Variants in BCL9 observed in about 807,000 individuals in gnomAD.
BCL9 encodes the protein BCL9 transcription coactivator.
BCL9 carries 25 observed loss-of-function variants against 88.5 expected under a neutral mutation model. The ratio of observed to expected loss-of-function variants is 0.28; its 90% CI spans 0.21 to 0.39. BCL9 has a LOEUF of 0.39. Among genes scored for constraint, BCL9 ranks in the 10% least tolerant of loss-of-function variants. The probability of loss-of-function intolerance (pLI) is 1.00; values close to 1 mark genes in which losing one functional copy is unlikely to be tolerated. For synonymous variants in BCL9, 711 were observed against 673.3 expected (o/e 1.06, Z -0.87); for missense variants, 1,817 against 1,877.8 (o/e 0.97, Z 0.60).
chr1:147,570,952 T>A (rs892754115), intron 1 of BCL9, among the ~76,000 whole-genome samples: 1 of 151,912 alleles, frequency 6.6e-6, no homozygotes, highest in Non-Finnish European at 1.5e-5. Flanking sequence ...TGATTTTCTT[T>A]TTTTCTTTTC....
chr1:147,621,260 T>G (rs1251624868), intron 8 of BCL9, among the ~76,000 whole-genome samples: 13 of 149,950 alleles, frequency 8.7e-5, no homozygotes, highest in Admixed American at 8.0e-4. Flanking sequence ...AATACGTATG[T>G]CAGAGAGACT....
intron 1 of BCL9, among the ~76,000 whole-genome samples, chr1:147,568,261 A>G (rs764818497): frequency 4.6e-4 from 70 of 152,216 alleles, no homozygotes; most frequent in Non-Finnish European, 9.0e-4. Flanking sequence ...ATGCAGTTCT[A>G]TAGCCTTGAG....
chr1:147,566,564 G>A (rs1655605701), intron 1 of BCL9, among the ~76,000 whole-genome samples: 1 of 152,080 alleles, frequency 6.6e-6, no homozygotes, highest in South Asian at 2.1e-4. Flanking sequence ...AGACCATCCT[G>A]GCTAACACGG....
chr1:147,562,155 C>G (rs1433813045), intron 1 of BCL9, among the ~76,000 whole-genome samples: 1 of 152,054 alleles, frequency 6.6e-6, no homozygotes, highest in African/African-American at 2.4e-5. Context: ...ATGGAGAAAC[C>G]CTGTCTCTAC....
intron 1 of BCL9, among the ~76,000 whole-genome samples, chr1:147,597,548 C>G (rs1657110804): frequency 6.6e-6 from 1 of 152,162 alleles, no homozygotes; most frequent in Non-Finnish European, 1.5e-5. Flanking sequence ...AAAAGCATTT[C>G]ATTATCCATT....
In BCL9 at chr1:147,620,362, A is replaced by G; in HGVS notation, c.2207A>G (p.Lys736Arg). The change falls in exon 8 of 10, where the codon AAG (lysine) becomes AGG (arginine). Residue 736 changes from lysine (K) to arginine (R), a missense_variant. Transcript: ENST00000234739. The stretch of plus-strand genomic sequence containing the variant: ...TCCAACTCTCAGATGATACCTCAGA[A>G]GATGAGAGAGGCTGGGGCGGGCCCT... ...MGSNSQMIPQKMREAGAGPEE... is the reference protein window; with the variant it reads ...MGSNSQMIPQRMREAGAGPEE... The G allele has an allele frequency of 6.2e-7, 1 of 1,614,226 alleles. No homozygotes were observed. The highest frequency in any genetic ancestry group is 8.5e-7 in the Non-Finnish European group (1 of 1,180,036).
rs1557843910 is a variant in BCL9 at position 147,597,469 on chromosome 1, GATT to G, written c.-477-7307_-477-7305del. On this transcript the variant is annotated intron_variant, in intron 1 of 9. Transcript: ENST00000234739. ...AATTTTACCATTTGGGTAAAAAAAT[GATT>G]TCTTATCTTAAAATTTCTAGAGTAG... 7.9e-5 allele frequency among the ~76,000 whole-genome samples: 12 copies of G among 152,308 alleles called. No homozygotes were observed. In the South Asian group the frequency reaches 2.3e-3, roughly 29 times the overall value.
At chr1:147,584,550 A>G (rs1656514451) in intron 1 of BCL9, among the ~76,000 whole-genome samples, 1 of 152,096 alleles carries the variant, frequency 6.6e-6, no homozygotes, top group Non-Finnish European at 1.5e-5. Context: ...ACCTTCATCA[A>G]TTCCCAGTTA....
intron 1 of BCL9, among the ~76,000 whole-genome samples, chr1:147,583,716 T>C (rs1369362516): frequency 1.3e-5 from 2 of 151,270 alleles, no homozygotes; most frequent in East Asian, 4.0e-4. Context: ...AGTTTGGGAG[T>C]CCGAGGTGGG....
chr1:147,552,238 C>T (rs144675092), intron 1 of BCL9, among the ~76,000 whole-genome samples: 88 of 152,262 alleles, frequency 5.8e-4, no homozygotes, highest in African/African-American at 1.7e-3. Context: ...AAGTACTAGA[C>T]GTCTTCTATA....
chr1:147,601,118 G>A (rs1172070735), intron 1 of BCL9, among the ~76,000 whole-genome samples: 1 of 152,136 alleles, frequency 6.6e-6, no homozygotes, highest in Non-Finnish European at 1.5e-5. Flanking sequence ...CATGAAGGAG[G>A]AGGCCAGAAA....
chr1:147,620,633 T>C lies in BCL9; in HGVS notation c.2478T>C (p.Ser826=), dbSNP rs148403943. The change falls in exon 8 of 10, where the codon AGT becomes AGC. Residue 826 remains serine, a synonymous_variant. Coordinates refer to ENST00000234739, the MANE Select transcript of BCL9 (RefSeq NM_004326.4). ...CACCACTACCTCTCAACCCTTCCAG[T>C]AACCCCACCAGCCTCAACACAGCTC... The part of the protein sequence containing the change: ...HMPPLPLNPS[S]NPTSLNTAPP... The C allele has an allele frequency of 2.0e-5, 32 of 1,613,958 alleles. No individual in the cohort carries two copies. The highest frequency in any genetic ancestry group is 2.7e-5 in the Non-Finnish European group (32 of 1,180,014).
intron 7 of BCL9, among the ~76,000 whole-genome samples, chr1:147,616,772 C>A (rs1421639881): frequency 2.1e-4 from 31 of 147,168 alleles, no homozygotes; most frequent in Non-Finnish European, 1.3e-4. Context: ...GACTCTGTCT[C>A]AAAAAAAAAA....
chr1:147,567,043 C>T (rs1655636071), intron 1 of BCL9, among the ~76,000 whole-genome samples: 1 of 152,108 alleles, frequency 6.6e-6, no homozygotes, highest in Non-Finnish European at 1.5e-5. Flanking sequence ...GAACCTCTTC[C>T]AACGTGGGTA....
intron 1 of BCL9, among the ~76,000 whole-genome samples, chr1:147,578,315 AG>A (rs1656199810): frequency 6.6e-6 from 1 of 152,192 alleles, no homozygotes; most frequent in African/African-American, 2.4e-5. Flanking sequence ...AAGATCCAAA[AG>A]TTTTTGAGCC....
intron 1 of BCL9, among the ~76,000 whole-genome samples, chr1:147,594,895 A>G (rs1553200307): frequency 6.6e-6 from 1 of 152,212 alleles, no homozygotes; most frequent in Non-Finnish European, 1.5e-5. Context: ...AATTGGGAAT[A>G]AAAAGAAAGG....
rs1658786514 is a variant in BCL9, at chr1:147,623,886, C to T, written c.3208C>T (p.Pro1070Ser). The change falls in exon 10 of 10, where the codon CCC (proline) becomes TCC (serine). Residue 1070 changes from proline to serine, a missense_variant. Coordinates refer to ENST00000234739, the MANE Select transcript of BCL9 (RefSeq NM_004326.4). ...TQNPRISGPNPVVPMPTLSPM... is the reference protein window; with the variant it reads ...TQNPRISGPNSVVPMPTLSPM... ...GAATCCTCGAATTTCAGGTCCAAAC[C>T]CCGTGGTTCCGATGCCAACCCTCAG... 6.2e-7 allele frequency: 1 copy of T among 1,614,060 alleles called. No individual in the cohort carries two copies. Among genetic ancestry groups the T allele is most frequent in the Admixed American group, 1.7e-5 (1 of 60,026 alleles).
chr1:147,592,587 T>C (rs1038661798), intron 1 of BCL9, among the ~76,000 whole-genome samples: 5 of 152,232 alleles, frequency 3.3e-5, no homozygotes, highest in African/African-American at 9.6e-5. Context: ...TATGAACTTC[T>C]AATGGCAGAA....
At chr1:147,546,874 G>T (rs1402605553) in intron 1 of BCL9, among the ~76,000 whole-genome samples, 1 of 152,162 alleles carries the variant, frequency 6.6e-6, no homozygotes, top group Non-Finnish European at 1.5e-5. Flanking sequence ...AGAGACCAAA[G>T]AACCATTTCT....
Sources: gnomAD v4.1 joint callset for allele counts (sites outside exome capture counted in the v4.1 genomes callset) on GRCh38, gnomAD v4.1.1 for gene constraint, MANE v1.5 for transcripts, NCBI Gene and HGNC (gene_info 2026-07-23, HGNC 2026-07-21) for gene names.